The following CORIN variants were observed in gnomAD, a reference collection of about 807,000 sequenced individuals.
CORIN encodes the protein corin, serine peptidase.
In CORIN, 117 loss-of-function variants were observed where a neutral mutation model predicts 125.3. That is an observed-to-expected ratio of 0.93 (90% CI 0.80 to 1.09). The LOEUF is 1.09. Among genes scored for constraint, CORIN ranks in the 50% least tolerant of loss-of-function variants. The pLI is 0.00. For synonymous variants in CORIN, 450 were observed against 466.4 expected (o/e 0.96, Z 0.45); for missense variants, 1,253 against 1,306.7 (o/e 0.96, Z 0.63).
intron 4 of CORIN, among the ~76,000 whole-genome samples, chr4:47,756,139 T>G (rs1729135337): frequency 6.6e-6 from 1 of 152,210 alleles, no homozygotes; most frequent in Non-Finnish European, 1.5e-5. Flanking sequence ...CAGAGATTTG[T>G]CTGCAGAGAT....
intron 7 of CORIN, chr4:47,682,513 A>G (rs1230945545): frequency 6.6e-6 from 1 of 151,338 alleles, no homozygotes; most frequent in Non-Finnish European, 1.5e-5. Context: ...ACAGCTAGAT[A>G]GGAGGAACAA....
intron 2 of CORIN, among the ~76,000 whole-genome samples, chr4:47,793,124 G>T (rs1017529527): frequency 4.6e-5 from 7 of 152,114 alleles, no homozygotes; most frequent in Non-Finnish European, 8.8e-5. Context: ...GCAATCTGAT[G>T]ATTTCCTCCA....
intron 13 of CORIN, among the ~76,000 whole-genome samples, chr4:47,648,477 G>A (rs983521982): frequency 3.3e-5 from 5 of 152,082 alleles, no homozygotes; most frequent in Admixed American, 3.3e-4. Flanking sequence ...CATTCATCTG[G>A]GTTTTTTGCT....
At chr4:47,793,995 T>G in intron 2 of CORIN, among the ~76,000 whole-genome samples, 1 of 151,964 alleles carries the variant, frequency 6.6e-6, no homozygotes. Context: ...ACATATAACC[T>G]CGGGCCTCAG....
intron 20 of CORIN, 96 bp downstream of exon 20, chr4:47,603,301 G>C (rs10004474): frequency 0.27 from 358,207 of 1,325,540 alleles, 50,104 homozygotes; most frequent in Admixed American, 0.4. Flanking sequence ...CATCCCTGCA[G>C]AACTGTGAAT....
chr4:47,672,612 T>C (rs1315653263), intron 10 of CORIN, among the ~76,000 whole-genome samples: 1 of 152,088 alleles, frequency 6.6e-6, no homozygotes, highest in African/African-American at 2.4e-5. Context: ...GGCCCAAATA[T>C]GTTATACGTG....
At chr4:47,625,424 A>ATTAT (rs1320104389) in intron 17 of CORIN, among the ~76,000 whole-genome samples, 4 of 151,648 alleles carry the variant, frequency 2.6e-5, no homozygotes, top group Non-Finnish European at 4.4e-5. Context: ...TCTAGAATGC[A>ATTAT]TTATTTATTT....
intron 5 of CORIN, among the ~76,000 whole-genome samples, chr4:47,739,324 T>C (rs1376376288): frequency 3.9e-5 from 6 of 152,042 alleles, no homozygotes; most frequent in Non-Finnish European, 8.8e-5. Context: ...TCAGATAAAA[T>C]GGAGCTTCAG....
At chr4:47,743,936 A>G (rs182630028) in intron 5 of CORIN, among the ~76,000 whole-genome samples, 1 of 152,328 alleles carries the variant, frequency 6.6e-6, no homozygotes, top group East Asian at 1.9e-4. Context: ...TCACTGTAAT[A>G]GCTGAAAATT....
intron 5 of CORIN, among the ~76,000 whole-genome samples, chr4:47,740,689 A>G (rs1189469956): frequency 6.6e-6 from 1 of 151,992 alleles, no homozygotes; most frequent in African/African-American, 2.4e-5. Flanking sequence ...GTAATCCTTA[A>G]AAAGTTAAAG....
chr4:47,829,630 A>G (rs1423223479), intron 1 of CORIN, among the ~76,000 whole-genome samples: 1 of 152,138 alleles, frequency 6.6e-6, no homozygotes, highest in Non-Finnish European at 1.5e-5. Context: ...TCTGGCACTA[A>G]CTCCAGGTAG....
chr4:47,667,384 C>G (rs937270077), intron 10 of CORIN, among the ~76,000 whole-genome samples: 4 of 152,198 alleles, frequency 2.6e-5, no homozygotes, highest in Non-Finnish European at 5.9e-5. Context: ...CCAGCTCCCT[C>G]TCTCTGTTTG....
intron 5 of CORIN, among the ~76,000 whole-genome samples, chr4:47,724,442 G>A (rs1727497516): frequency 6.6e-6 from 1 of 151,922 alleles, no homozygotes; most frequent in Non-Finnish European, 1.5e-5. Flanking sequence ...GGAAAGGAAG[G>A]AGAATGAGAT....
At chr4:47,664,547 C>T (rs184292269) in intron 11 of CORIN, among the ~76,000 whole-genome samples, 3 of 152,192 alleles carry the variant, frequency 2.0e-5, no homozygotes, top group East Asian at 1.9e-4. Context: ...CTTGAAATAG[C>T]GCATCTTATT....
At chr4:47,710,605 C>T (rs1726795839) in intron 5 of CORIN, among the ~76,000 whole-genome samples, 1 of 152,206 alleles carries the variant, frequency 6.6e-6, no homozygotes, top group Admixed American at 6.5e-5. Context: ...TATAGAGCTC[C>T]TCCTTCCCCG....
At chr4:47,717,242 G>A (rs906917631) in intron 5 of CORIN, among the ~76,000 whole-genome samples, 12 of 151,968 alleles carry the variant, frequency 7.9e-5, no homozygotes, top group Admixed American at 7.2e-4. Context: ...TCACGTATAC[G>A]AACCAGTACA....
chr4:47,618,407 G>A (rs1256778107), intron 19 of CORIN, among the ~76,000 whole-genome samples: 3 of 151,880 alleles, frequency 2.0e-5, no homozygotes, highest in East Asian at 1.9e-4. Flanking sequence ...ATGTGATCTT[G>A]ACTTTGGAGG....
rs377153350 is a variant in CORIN, at chr4:47,595,696, C to T, written c.*25G>A. On this transcript the variant is annotated 3_prime_UTR_variant, in exon 22 of 22. Coordinates refer to ENST00000273857, the MANE Select transcript of CORIN (RefSeq NM_006587.4). Reference sequence around the variant, plus strand: ...GGCCATTTTCTTTTAGTGTAGCTGGCAAAAGTCTCTGATCATCCTTATAAT... The same window carrying T: ...GGCCATTTTCTTTTAGTGTAGCTGGTAAAAGTCTCTGATCATCCTTATAAT... The T allele has an allele frequency of 3.2e-6, 5 of 1,566,982 alleles. No homozygotes were observed. The highest frequency in any genetic ancestry group is 4.3e-6 in the Non-Finnish European group (5 of 1,158,476).
intron 4 of CORIN, among the ~76,000 whole-genome samples, chr4:47,754,052 T>G (rs1729027080): frequency 6.6e-6 from 1 of 152,208 alleles, no homozygotes. Context: ...TGCACAGAGC[T>G]TGATGAAATG....
Sources: gnomAD v4.1 joint callset for allele counts (sites outside exome capture counted in the v4.1 genomes callset) on GRCh38, gnomAD v4.1.1 for gene constraint, MANE v1.5 for transcripts, NCBI Gene and HGNC (gene_info 2026-07-23, HGNC 2026-07-21) for gene names.